Variants in CARNMT1 observed in about 807,000 individuals in gnomAD.
The protein encoded by CARNMT1 is protein-L-histidine N-pros-methyltransferase CARNMT1.
A neutral mutation model predicts 49.6 loss-of-function variants in CARNMT1; 28 were observed. That is an observed-to-expected ratio of 0.56 (90% CI 0.42 to 0.77). The LOEUF is 0.77. Ranked by LOEUF, CARNMT1 falls within the 30% of genes least tolerant of loss-of-function variation. The probability of loss-of-function intolerance (pLI) is 0.00; values close to 1 mark genes in which losing one functional copy is unlikely to be tolerated. For synonymous variants in CARNMT1, 178 were observed against 175.0 expected (o/e 1.02, Z -0.13); for missense variants, 421 against 512.6 (o/e 0.82, Z 1.73).
chr9:75,027,094 C>G, intron 1 of CARNMT1: 1 of 1,304,316 alleles, frequency 7.7e-7, no homozygotes, highest in Non-Finnish European at 1.0e-6. Context: ...ACTGCAGCCT[C>G]AGAACATAGT....
chr9:74,990,306 G>A (rs1458883379), intron 6 of CARNMT1, among the ~76,000 whole-genome samples: 2 of 152,118 alleles, frequency 1.3e-5, no homozygotes, highest in Non-Finnish European at 2.9e-5. Flanking sequence ...ACCTTCAGAG[G>A]AGCAACATTT....
At chr9:74,989,175 A>C (rs997636400) in intron 6 of CARNMT1, among the ~76,000 whole-genome samples, 1 of 152,142 alleles carries the variant, frequency 6.6e-6, no homozygotes. Context: ...ACAATGGCAT[A>C]GGCATAGTTC....
chr9:75,012,917 CAA>C (rs902857324), intron 3 of CARNMT1, among the ~76,000 whole-genome samples: 6 of 107,390 alleles, frequency 5.6e-5, no homozygotes, highest in Admixed American at 2.0e-4. Flanking sequence ...GACTCCGTCT[CAA>C]AAAAAAAAAA....
intron 1 of CARNMT1, among the ~76,000 whole-genome samples, chr9:75,018,765 CA>C (rs1247708687): frequency 2.0e-5 from 3 of 152,070 alleles, no homozygotes; most frequent in Non-Finnish European, 4.4e-5. Flanking sequence ...GTCAGAAGTT[CA>C]AGACCAGCCT....
At chr9:75,024,495 T>C (rs954130657) in intron 1 of CARNMT1, among the ~76,000 whole-genome samples, 1 of 152,198 alleles carries the variant, frequency 6.6e-6, no homozygotes, top group African/African-American at 2.4e-5. Context: ...GCTTTTCAAC[T>C]CTAGTGTTTT....
chr9:75,022,213 CTTTTTTTTTTTTT>C (rs35783706), intron 1 of CARNMT1, among the ~76,000 whole-genome samples: 14 of 76,968 alleles, frequency 1.8e-4, no homozygotes, highest in African/African-American at 5.5e-4. Context: ...AGAAGGAATA[CTTTTTTTTTTTTT>C]TTTTTTTTTT....
intron 6 of CARNMT1, among the ~76,000 whole-genome samples, chr9:74,986,461 T>C (rs1245761433): frequency 6.6e-6 from 1 of 152,210 alleles, no homozygotes; most frequent in Non-Finnish European, 1.5e-5. Context: ...GTAAAAATGA[T>C]TGTTTTCTAC....
intron 1 of CARNMT1, among the ~76,000 whole-genome samples, chr9:75,020,268 T>TTCG (rs573442824): frequency 8.0e-6 from 1 of 124,670 alleles, no homozygotes; most frequent in Admixed American, 7.9e-5. Flanking sequence ...ATTTTTCTTC[T>TTCG]TTTTTTTTTT....
chr9:74,988,251 A>G (rs1269118844), intron 6 of CARNMT1, among the ~76,000 whole-genome samples: 2 of 152,012 alleles, frequency 1.3e-5, no homozygotes, highest in African/African-American at 4.8e-5. Context: ...TAACAGAAGG[A>G]GCAAAGATAT....
chr9:75,007,756 A>C (rs1326807265), intron 3 of CARNMT1, among the ~76,000 whole-genome samples: 2 of 150,422 alleles, frequency 1.3e-5, no homozygotes, highest in East Asian at 2.0e-4. Flanking sequence ...AAAAAAAAAA[A>C]AACTAAGAAA....
chr9:75,007,997 G>C (rs1407056354), intron 3 of CARNMT1, among the ~76,000 whole-genome samples: 3 of 151,916 alleles, frequency 2.0e-5, no homozygotes, highest in Admixed American at 2.0e-4. Flanking sequence ...ACAAAATTCA[G>C]TTGTGCTTCT....
chr9:75,021,961 A>T (rs77551192), intron 1 of CARNMT1, among the ~76,000 whole-genome samples: 3 of 152,030 alleles, frequency 2.0e-5, no homozygotes, highest in Non-Finnish European at 2.9e-5. Context: ...GAAAAAAAAA[A>T]GTCATCTAGC....
At chr9:75,007,626 G>C (rs1337349369) in intron 3 of CARNMT1, among the ~76,000 whole-genome samples, 1 of 151,550 alleles carries the variant, frequency 6.6e-6, no homozygotes, top group African/African-American at 2.4e-5. Context: ...CTACTCGGGA[G>C]GCTGAGGCAG....
chr9:75,016,524 G>A, intron 2 of CARNMT1, 93 bp from the exon 3 acceptor site: 4 of 1,177,052 alleles, frequency 3.4e-6, no homozygotes, highest in Non-Finnish European at 4.8e-6. Flanking sequence ...TATATAGGTG[G>A]TTTAGTGGAT....
At chr9:75,008,168 TAAAAAAAAAAAAA>T (rs71368697) in intron 3 of CARNMT1, among the ~76,000 whole-genome samples, 54 of 48,720 alleles carry the variant, frequency 1.1e-3, no homozygotes, top group South Asian at 9.7e-4. Flanking sequence ...GCTGATGAGC[TAAAAAAAAAAAAA>T]AAAAAAAAAA....
chr9:74,985,123 T>G lies in CARNMT1; in HGVS notation c.1025-113A>C, dbSNP rs7848461. ...TACTGGATGAGACAAACATAAAAAG[T>G]CTGGGCATTTGCTGAAAATGCCCAG... is the stretch of plus-strand genomic sequence containing the variant. On this transcript the variant is annotated intron_variant, in intron 6 of 7. Coordinates refer to ENST00000376834, the MANE Select transcript of CARNMT1 (RefSeq NM_152420.3). The G allele has an allele frequency of 2.4e-3, 1,903 of 784,814 alleles. 39 individuals are homozygous for G. The African/African-American group carries it at 0.03, about 12-fold the overall frequency. 48.6% of individuals were successfully genotyped at this position (784,814 alleles called of 1,614,324 possible).
chr9:75,021,211 C>T (rs952545526), intron 1 of CARNMT1, among the ~76,000 whole-genome samples: 1 of 147,110 alleles, frequency 6.8e-6, no homozygotes, highest in Non-Finnish European at 1.5e-5. Context: ...TATATATATA[C>T]CTACTGTTCA....
chr9:75,002,750 T>C (rs1833399842), intron 3 of CARNMT1, among the ~76,000 whole-genome samples: 2 of 152,304 alleles, frequency 1.3e-5, no homozygotes, highest in South Asian at 4.1e-4. Context: ...GAATTTCTTT[T>C]TTTTAAATTT....
intron 3 of CARNMT1, among the ~76,000 whole-genome samples, chr9:75,006,120 C>T (rs1309224811): frequency 2.6e-5 from 4 of 151,816 alleles, no homozygotes; most frequent in Admixed American, 6.6e-5. Context: ...GGCTCTATCT[C>T]GGCTCACTGC....
Sources: gnomAD v4.1 joint callset for allele counts (sites outside exome capture counted in the v4.1 genomes callset) on GRCh38, gnomAD v4.1.1 for gene constraint, MANE v1.5 for transcripts, NCBI Gene and HGNC (gene_info 2026-07-23, HGNC 2026-07-21) for gene names.